TBC1D5: variants seen among roughly 807,000 people sequenced by gnomAD.
TBC1D5 encodes TBC1 domain family member 5.
A neutral mutation model predicts 100.3 loss-of-function variants in TBC1D5; 75 were observed. The observed-to-expected ratio is 0.75, with a 90% CI of 0.62 to 0.91. The LOEUF (loss-of-function observed/expected upper bound fraction) is 0.91, where lower values mean the gene tolerates loss of function less well. Among genes scored for constraint, TBC1D5 ranks in the 40% least tolerant of loss-of-function variants. The probability of loss-of-function intolerance (pLI) is 0.00; values close to 1 mark genes in which losing one functional copy is unlikely to be tolerated. For synonymous variants in TBC1D5, 323 were observed against 325.6 expected (o/e 0.99, Z 0.09); for missense variants, 910 against 942.4 (o/e 0.97, Z 0.45).
At chr3:17,464,113 C>T (rs566278022) in intron 3 of TBC1D5, among the ~76,000 whole-genome samples, 5 of 151,882 alleles carry the variant, frequency 3.3e-5, no homozygotes, top group African/African-American at 1.2e-4. Flanking sequence ...CAACACACCC[C>T]GTTAATTTTG....
chr3:17,381,855 C>G (rs1179411729), intron 9 of TBC1D5, among the ~76,000 whole-genome samples: 2 of 151,960 alleles, frequency 1.3e-5, no homozygotes, highest in Non-Finnish European at 2.9e-5. Flanking sequence ...GGAATTTATT[C>G]TCCAATAAAT....
exon 22 of TBC1D5, chr3:17,159,266 C>T (rs1364859976): frequency 6.6e-6 from 1 of 152,230 alleles, no homozygotes; most frequent in Non-Finnish European, 1.5e-5. Context: ...CCAATTAGAA[C>T]CCTCTCTACA....
chr3:17,384,134 C>A, intron 8 of TBC1D5, 119 bp from the exon 9 acceptor site: 1 of 792,748 alleles, frequency 1.3e-6, no homozygotes, highest in Non-Finnish European at 2.0e-6. Context: ...CCTGTGTTTG[C>A]CATGTAACTT....
At chr3:17,706,170 G>C in intron 1 of TBC1D5, 1 of 1,570,720 alleles carries the variant, frequency 6.4e-7, no homozygotes, top group Non-Finnish European at 8.6e-7. Context: ...GACATCGGCA[G>C]GCAGCCGCTC....
chr3:17,362,140 T>G (rs117643295), intron 13 of TBC1D5, among the ~76,000 whole-genome samples: 1 of 152,238 alleles, frequency 6.6e-6, no homozygotes, highest in East Asian at 1.9e-4. Context: ...ACATAAAAAT[T>G]AAGCCAAAAT....
At chr3:17,207,977 G>A (rs1036228603) in intron 18 of TBC1D5, among the ~76,000 whole-genome samples, 2 of 152,200 alleles carry the variant, frequency 1.3e-5, no homozygotes, top group Admixed American at 1.3e-4. Context: ...CCCAAACGAA[G>A]AGATGTCTTT....
chr3:17,736,856 C>CA (rs918891475), intron 1 of TBC1D5, among the ~76,000 whole-genome samples: 4 of 151,862 alleles, frequency 2.6e-5, no homozygotes, highest in African/African-American at 4.8e-5. Flanking sequence ...ACTAAAAATA[C>CA]AAAAAAATTA....
chr3:17,582,876 C>G (rs2096708501), intron 2 of TBC1D5, among the ~76,000 whole-genome samples: 1 of 151,754 alleles, frequency 6.6e-6, no homozygotes, highest in South Asian at 2.1e-4. Flanking sequence ...AGTAAGAAAC[C>G]TTTTATTCTG....
intron 2 of TBC1D5, among the ~76,000 whole-genome samples, chr3:17,515,040 AC>A (rs1422249370): frequency 6.6e-6 from 1 of 151,986 alleles, no homozygotes; most frequent in Non-Finnish European, 1.5e-5. Flanking sequence ...AATACAACAT[AC>A]AATTAGGAAT....
chr3:17,341,880 G>T (rs1019491926), intron 13 of TBC1D5, among the ~76,000 whole-genome samples: 5 of 151,992 alleles, frequency 3.3e-5, no homozygotes, highest in Non-Finnish European at 5.9e-5. Flanking sequence ...TTCTTCCATA[G>T]TAGTAATTAC....
chr3:17,667,288 C>T (rs4513482), intron 1 of TBC1D5, among the ~76,000 whole-genome samples: 86,705 of 151,802 alleles, frequency 0.57, 25,576 homozygotes, highest in East Asian at 0.99. Flanking sequence ...CAAAAGCCTC[C>T]AACTTATAAA....
chr3:17,379,617 C>T (rs915380047), intron 9 of TBC1D5, among the ~76,000 whole-genome samples: 1 of 151,966 alleles, frequency 6.6e-6, no homozygotes, highest in African/African-American at 2.4e-5. Flanking sequence ...ATAAAATGAG[C>T]ACAGAAATGA....
intron 13 of TBC1D5, among the ~76,000 whole-genome samples, chr3:17,317,591 A>G (rs910518172): frequency 3.9e-5 from 6 of 152,234 alleles, no homozygotes; most frequent in Non-Finnish European, 8.8e-5. Context: ...ACAACTTTAC[A>G]ATCAATTATA....
intron 2 of TBC1D5, among the ~76,000 whole-genome samples, chr3:17,534,269 T>C (rs1000017827): frequency 6.6e-6 from 1 of 152,138 alleles, no homozygotes; most frequent in Non-Finnish European, 1.5e-5. Flanking sequence ...CCAAAAATCT[T>C]AAACTATGCA....
chr3:17,509,390 G>A (rs2095877289), intron 2 of TBC1D5, among the ~76,000 whole-genome samples: 1 of 151,716 alleles, frequency 6.6e-6, no homozygotes, highest in South Asian at 2.1e-4. Context: ...ACAATAGCTG[G>A]ATTAAAATAT....
At chr3:17,527,835 C>A (rs2096159040) in intron 2 of TBC1D5, among the ~76,000 whole-genome samples, 1 of 152,130 alleles carries the variant, frequency 6.6e-6, no homozygotes, top group Non-Finnish European at 1.5e-5. Flanking sequence ...ATAAAAACAT[C>A]TGCACAAAAT....
rs371885187 is a variant in TBC1D5 at position 17,383,832 on chromosome 3, C to G, written c.612+81G>C. ...GATACAACTTTGGATACAATAAAGG[C>G]TACATTATTGCTCTATCATTTGTCA... On this transcript the variant is annotated intron_variant, in intron 9 of 21. Coordinates refer to ENST00000253692, the Ensembl canonical transcript of TBC1D5. The G allele has an allele frequency of 2.5e-3, 2,659 of 1,071,964 alleles. 85 individuals are homozygous for G. The South Asian group carries it at 0.041, about 17-fold the overall frequency. The allele number at this position is 1,071,964 out of a possible 1,614,324, so 66.4% of individuals were successfully genotyped here.
At chr3:17,266,676 A>G (rs2078885336) in intron 15 of TBC1D5, among the ~76,000 whole-genome samples, 1 of 152,152 alleles carries the variant, frequency 6.6e-6, no homozygotes, top group Non-Finnish European at 1.5e-5. Context: ...TCAAATTAAT[A>G]CAGATTTTCA....
At chr3:17,528,679 A>C (rs1433986777) in intron 2 of TBC1D5, among the ~76,000 whole-genome samples, 1 of 152,090 alleles carries the variant, frequency 6.6e-6, no homozygotes, top group African/African-American at 2.4e-5. Flanking sequence ...AAAGGGACTC[A>C]TTTATGCACG....
Sources: allele counts gnomAD v4.1 joint callset (sites outside exome capture counted in the v4.1 genomes callset), GRCh38; gene constraint gnomAD v4.1.1; transcripts MANE v1.5; gene names NCBI Gene and HGNC (gene_info 2026-07-23, HGNC 2026-07-21).